SIPA1L2: variants seen among roughly 807,000 people sequenced by gnomAD.
The protein encoded by SIPA1L2 is signal induced proliferation associated 1 like 2.
Under a neutral mutation model 163.9 loss-of-function variants are expected in SIPA1L2, and 56 were observed. That is an observed-to-expected ratio of 0.34 (90% CI 0.28 to 0.43). The LOEUF is 0.43. Ranked by LOEUF, SIPA1L2 falls within the 20% of genes least tolerant of loss-of-function variation. The pLI, the probability that SIPA1L2 is intolerant of heterozygous loss-of-function variation, is 1.00. For missense variants in SIPA1L2, 1,974 were observed against 2,193.5 expected, an observed-to-expected ratio of 0.90 and a Z score of 2.00; for synonymous variants, 877 against 865.7, an observed-to-expected ratio of 1.01 and a Z score of -0.23.
chr1:232,580,957 GC>G (rs1402097932), intron 1 of SIPA1L2, among the ~76,000 whole-genome samples: 1 of 151,978 alleles, frequency 6.6e-6, no homozygotes, highest in Non-Finnish European at 1.5e-5. Flanking sequence ...TCTCCTTTGT[GC>G]CCTCACAGCC....
At chr1:232,608,068 A>AAAAAAAAAAAAAC (rs1662052147) in intron 1 of SIPA1L2, among the ~76,000 whole-genome samples, 1 of 141,864 alleles carries the variant, frequency 7.0e-6, no homozygotes, top group African/African-American at 2.6e-5. Flanking sequence ...AAAAAAAAAA[A>AAAAAAAAAAAAAC]ACGAGTCTTA....
intron 1 of SIPA1L2, among the ~76,000 whole-genome samples, chr1:232,604,064 T>C (rs1443503779): frequency 6.6e-6 from 1 of 152,120 alleles, no homozygotes; most frequent in African/African-American, 2.4e-5. Context: ...CCACAGGGAT[T>C]AATTACATCA....
chr1:232,578,837 G>C (rs1660217182), intron 1 of SIPA1L2, among the ~76,000 whole-genome samples: 1 of 152,280 alleles, frequency 6.6e-6, no homozygotes, highest in African/African-American at 2.4e-5. Context: ...AGTAGCAATA[G>C]GGACTGCAGA....
intron 10 of SIPA1L2, among the ~76,000 whole-genome samples, chr1:232,460,504 T>G (rs974334415): frequency 6.6e-6 from 1 of 152,172 alleles, no homozygotes; most frequent in Non-Finnish European, 1.5e-5. Flanking sequence ...TGGGAAGAAA[T>G]TCTAACTGAA....
intron 2 of SIPA1L2, among the ~76,000 whole-genome samples, chr1:232,562,207 T>C (rs1013908494): frequency 2.6e-5 from 4 of 152,232 alleles, no homozygotes; most frequent in Non-Finnish European, 5.9e-5. Context: ...GTGGCAGATA[T>C]GTCAACTGCA....
intron 2 of SIPA1L2, among the ~76,000 whole-genome samples, chr1:232,560,506 C>T (rs1035027150): frequency 3.3e-5 from 5 of 152,170 alleles, no homozygotes; most frequent in African/African-American, 4.8e-5. Context: ...AGGCATAATT[C>T]CTTAGATATA....
intron 10 of SIPA1L2, among the ~76,000 whole-genome samples, chr1:232,455,684 C>A (rs1389872120): frequency 7.3e-6 from 1 of 136,066 alleles, no homozygotes; most frequent in Admixed American, 8.7e-5. Flanking sequence ...CACTGCACTC[C>A]AGCCTGGGCA....
chr1:232,629,562 A>G (rs7354849), intron 1 of SIPA1L2, among the ~76,000 whole-genome samples: 68,418 of 152,052 alleles, frequency 0.45, 15,450 homozygotes, highest in Non-Finnish European at 0.46. Context: ...GCACCTGGAG[A>G]AGACCCTCCT....
intron 2 of SIPA1L2, among the ~76,000 whole-genome samples, chr1:232,547,384 C>T (rs59115844): frequency 6.6e-6 from 1 of 150,556 alleles, no homozygotes; most frequent in African/African-American, 2.5e-5. Context: ...TCATCCTTTC[C>T]GGGTAAGGTG....
intron 10 of SIPA1L2, among the ~76,000 whole-genome samples, chr1:232,452,726 G>T (rs925581238): frequency 4.6e-5 from 7 of 152,308 alleles, no homozygotes; most frequent in African/African-American, 1.7e-4. Context: ...GTTCCCAACA[G>T]GAACCCTAGA....
At chr1:232,550,600 T>C (rs779386847) in intron 2 of SIPA1L2, among the ~76,000 whole-genome samples, 1 of 152,244 alleles carries the variant, frequency 6.6e-6, no homozygotes, top group Non-Finnish European at 1.5e-5. Flanking sequence ...CTGTTTTTGC[T>C]ACTATGATCA....
chr1:232,613,698 T>A (rs78127415), intron 1 of SIPA1L2, among the ~76,000 whole-genome samples: 1 of 151,956 alleles, frequency 6.6e-6, no homozygotes, highest in Admixed American at 6.5e-5. Flanking sequence ...AGAACAAAAT[T>A]TATGTGTGTG....
chr1:232,484,109 G>A, intron 5 of SIPA1L2, 143 bp from the exon 6 acceptor site: 3 of 695,208 alleles, frequency 4.3e-6, no homozygotes, highest in Non-Finnish European at 6.9e-6. Flanking sequence ...AAAAGAGTAG[G>A]CAACTGCCAC....
chr1:232,489,995 C>T (rs1665844730), intron 5 of SIPA1L2, among the ~76,000 whole-genome samples: 1 of 152,158 alleles, frequency 6.6e-6, no homozygotes, highest in Non-Finnish European at 1.5e-5. Context: ...CAGTCTCTAT[C>T]TTCGGCGGCC....
In SIPA1L2 at chr1:232,515,212, CCATTAA is replaced by C. The variant is rs1558237820; in HGVS notation, c.122_127del (p.Ile41_Gly43delinsSer). 21 of 1,614,138 alleles carry C rather than the reference CCATTAA, an allele frequency of 1.3e-5. No homozygotes were observed. The highest frequency in any genetic ancestry group is 1.8e-5 in the Non-Finnish European group (21 of 1,180,016). The stretch of plus-strand genomic sequence containing the variant: ...TAAAGAAGTAGTGGGTCCCATGTTG[CCATTAA>C]TGGCTTTAAATTTCCGAGCAAAATA... On this transcript the variant is annotated inframe_deletion, in exon 3 of 23. Coordinates refer to ENST00000674635, the MANE Select transcript of SIPA1L2 (RefSeq NM_020808.5).
At chr1:232,419,556 T>C (rs1380508748) in intron 18 of SIPA1L2, among the ~76,000 whole-genome samples, 6 of 152,158 alleles carry the variant, frequency 3.9e-5, no homozygotes, top group Non-Finnish European at 7.3e-5. Context: ...GAGTGAGTTC[T>C]CGTGAGATCT....
At chr1:232,471,247 GTGTC>G (rs60083072) in intron 8 of SIPA1L2, 120 bp downstream of exon 8, 256,848 of 1,051,102 alleles carry the variant, frequency 0.24, 31,601 homozygotes, top group Admixed American at 0.38. Flanking sequence ...CTTACAGAAA[GTGTC>G]TGAGTAATTA....
intron 1 of SIPA1L2, among the ~76,000 whole-genome samples, chr1:232,576,644 C>A (rs1440503830): frequency 6.6e-6 from 1 of 152,212 alleles, no homozygotes; most frequent in Non-Finnish European, 1.5e-5. Flanking sequence ...ATGGGGAAGA[C>A]ATGTCAAAAG....
chr1:232,595,691 A>T (rs554568441), intron 1 of SIPA1L2, among the ~76,000 whole-genome samples: 3 of 152,316 alleles, frequency 2.0e-5, no homozygotes, highest in Non-Finnish European at 4.4e-5. Flanking sequence ...ATAGGGAGGG[A>T]ATGGTGGACT....
Sources: gnomAD v4.1 joint callset for allele counts (sites outside exome capture counted in the v4.1 genomes callset) on GRCh38, gnomAD v4.1.1 for gene constraint, MANE v1.5 for transcripts, NCBI Gene and HGNC (gene_info 2026-07-23, HGNC 2026-07-21) for gene names.